The following GPCPD1 variants were observed in gnomAD, a reference collection of about 807,000 sequenced individuals.
GPCPD1 encodes the protein glycerophosphocholine phosphodiesterase GPCPD1.
Under a neutral mutation model 89.2 loss-of-function variants are expected in GPCPD1, and 29 were observed. That is an observed-to-expected ratio of 0.33 (90% CI 0.24 to 0.44). The LOEUF (loss-of-function observed/expected upper bound fraction) is 0.44, where lower values mean the gene tolerates loss of function less well. Ranked by LOEUF, GPCPD1 falls within the 20% of genes least tolerant of loss-of-function variation. The pLI, the probability that GPCPD1 is intolerant of heterozygous loss-of-function variation, is 1.00. For synonymous variants in GPCPD1, 258 were observed against 266.3 expected (o/e 0.97, Z 0.30); for missense variants, 594 against 808.9 (o/e 0.73, Z 3.22).
At chr20:5,555,581 G>A (rs1313891270) in intron 19 of GPCPD1, among the ~76,000 whole-genome samples, 2 of 152,054 alleles carry the variant, frequency 1.3e-5, no homozygotes, top group Non-Finnish European at 2.9e-5. Context: ...TTTTGGCAGG[G>A]CGCGGTGGCT....
chr20:5,565,865 A>T (rs913383540), intron 14 of GPCPD1, among the ~76,000 whole-genome samples: 9 of 152,232 alleles, frequency 5.9e-5, no homozygotes, highest in Admixed American at 4.6e-4. Context: ...TAGACTAAAA[A>T]AAAGAATTAT....
At chr20:5,586,157 T>C (rs909551729) in intron 5 of GPCPD1, 37 bp downstream of exon 5, 2 of 992,592 alleles carry the variant, frequency 2.0e-6, no homozygotes, top group Non-Finnish European at 1.6e-6. Flanking sequence ...AGTAACTTTA[T>C]GCATATGCCT....
At position 5,560,833 on chromosome 20, in the gene GPCPD1, C is replaced by T. The variant is rs117109199; in HGVS notation, c.1395+632G>A. Among the ~76,000 whole-genome samples the T allele has an allele frequency of 1.3e-3, 194 of 152,246 alleles. 1 individual carries two copies. In the East Asian group the frequency reaches 0.035, roughly 27 times the overall value. ...ACCCCACACTCTACTACCCCAAGCC[C>T]CTTGCAATGCATCCCATCAATCTGC... On this transcript the variant is annotated intron_variant, in intron 16 of 19. Coordinates refer to ENST00000379019, the MANE Select transcript of GPCPD1 (RefSeq NM_019593.5).
At chr20:5,608,324 A>G (rs1292543523) in intron 1 of GPCPD1, among the ~76,000 whole-genome samples, 1 of 152,158 alleles carries the variant, frequency 6.6e-6, no homozygotes. Context: ...AAACCTCTCC[A>G]AAAGTCAACA....
chr20:5,605,802 AACCCTAGG>A (rs1980545221), intron 1 of GPCPD1, among the ~76,000 whole-genome samples: 1 of 152,006 alleles, frequency 6.6e-6, no homozygotes. Flanking sequence ...TCTCTTTATT[AACCCTAGG>A]ACCATCATTA....
At position 5,570,142 on chromosome 20, in the gene GPCPD1, C is replaced by A; in HGVS notation, c.1149+5G>T. 1 of 1,395,638 alleles carries A rather than the reference C, an allele frequency of 7.2e-7. No homozygotes were observed. The highest frequency in any genetic ancestry group is 1.2e-5 in the South Asian group (1 of 81,958). The allele number at this position is 1,395,638 out of a possible 1,614,324, so 86.5% of individuals were successfully genotyped here. Reference sequence around the variant, plus strand: ...AGAGTTTGAAATGAAGAAATTTCAACGTACCTTTTTCATAGTCAAACAACA... The same window carrying A: ...AGAGTTTGAAATGAAGAAATTTCAAAGTACCTTTTTCATAGTCAAACAACA... On this transcript the variant is annotated splice_donor_5th_base_variant and intron_variant, in intron 12 of 19. Transcript: ENST00000379019.
chr20:5,577,362 C>G lies in GPCPD1; in HGVS notation c.705+1018G>C, dbSNP rs558448227. 1.2e-3 allele frequency among the ~76,000 whole-genome samples: 182 copies of G among 151,664 alleles called. 1 individual carries two copies. The highest frequency in any genetic ancestry group is 4.2e-3 in the African/African-American group (173 of 41,406). On this transcript the variant is annotated intron_variant, in intron 8 of 19. Transcript: ENST00000379019. ...AATTAGCTGGGTGTGGTGGTACACA[C>G]CTGTAGTCCCAGCTACTTGAGAGGC...
intron 18 of GPCPD1, 60 bp from the exon 19 acceptor site, chr20:5,558,165 TCA>T (rs1985883264): frequency 9.6e-7 from 1 of 1,041,352 alleles, no homozygotes; most frequent in East Asian, 2.4e-5. Flanking sequence ...AGCTAAATGC[TCA>T]CACTCTAAAT....
chr20:5,560,560 C>T (rs1986027477), intron 16 of GPCPD1, among the ~76,000 whole-genome samples: 1 of 152,154 alleles, frequency 6.6e-6, no homozygotes, highest in Non-Finnish European at 1.5e-5. Flanking sequence ...ATAGCCAAGA[C>T]ACCAAGCCAG....
At chr20:5,607,904 T>C (rs1980707563) in intron 1 of GPCPD1, among the ~76,000 whole-genome samples, 1 of 151,944 alleles carries the variant, frequency 6.6e-6, no homozygotes, top group South Asian at 2.1e-4. Flanking sequence ...TCAAAAGAGC[T>C]GAATGACCAC....
intron 2 of GPCPD1, among the ~76,000 whole-genome samples, chr20:5,603,159 G>A (rs1172931668): frequency 1.3e-5 from 2 of 151,928 alleles, no homozygotes; most frequent in Non-Finnish European, 2.9e-5. Flanking sequence ...CAGGCACGGT[G>A]ATGGACACCT....
At chr20:5,549,348 A>G in intron 19 of GPCPD1, 1 of 1,147,152 alleles carries the variant, frequency 8.7e-7, no homozygotes, top group Non-Finnish European at 1.3e-6. Flanking sequence ...GAAAACAGAG[A>G]AGCTGTTACA....
chr20:5,556,822 C>T (rs1257561546), intron 19 of GPCPD1, among the ~76,000 whole-genome samples: 2 of 152,214 alleles, frequency 1.3e-5, no homozygotes, highest in Admixed American at 6.5e-5. Flanking sequence ...ACAGCCTTGC[C>T]CTCCTCATGG....
chr20:5,574,124 C>T, intron 10 of GPCPD1, 155 bp from the exon 11 acceptor site: 1 of 604,220 alleles, frequency 1.7e-6, no homozygotes, highest in Non-Finnish European at 2.9e-6. Flanking sequence ...ATGGCTGTGA[C>T]TAGGAATTTA....
chr20:5,584,382 A>T, intron 5 of GPCPD1, 60 bp from the exon 6 acceptor site: 1 of 741,656 alleles, frequency 1.3e-6, no homozygotes, highest in Non-Finnish European at 2.4e-6. Flanking sequence ...CCAGTGAACA[A>T]CTGAGAAATT....
Position 5,545,578 on chromosome 20 carries a change from T to G in GPCPD1, c.*2083A>C, listed in dbSNP as rs911496086. 1 of 152,284 alleles carries G rather than the reference T, an allele frequency of 6.6e-6. No individual in the cohort carries two copies. The highest frequency in any genetic ancestry group is 1.5e-5 in the Non-Finnish European group (1 of 68,214). 9.4% of individuals were successfully genotyped at this position (152,284 alleles called of 1,614,324 possible). On this transcript the variant is annotated 3_prime_UTR_variant, in exon 20 of 20. Coordinates refer to ENST00000379019, the MANE Select transcript of GPCPD1 (RefSeq NM_019593.5). ...AGGACACACGGGCACAGAGAGGAAGTCCAGGGCCAATGACAGGGACAGGGT... is the reference window on the plus strand; with the variant it reads ...AGGACACACGGGCACAGAGAGGAAGGCCAGGGCCAATGACAGGGACAGGGT...
chr20:5,584,861 C>A (rs1188005331), intron 5 of GPCPD1: 1 of 152,592 alleles, frequency 6.6e-6, no homozygotes, highest in Non-Finnish European at 1.5e-5. Context: ...CTAGCACAAC[C>A]CCTTCTCCTA....
intron 2 of GPCPD1, among the ~76,000 whole-genome samples, chr20:5,601,332 C>T (rs1222125067): frequency 1.3e-5 from 2 of 150,828 alleles, no homozygotes; most frequent in Non-Finnish European, 2.9e-5. Context: ...TGCACTTCAA[C>T]CTGGGCAATA....
chr20:5,562,280 T>C (rs564343339), intron 15 of GPCPD1, among the ~76,000 whole-genome samples: 90 of 152,276 alleles, frequency 5.9e-4, no homozygotes, highest in African/African-American at 2.0e-3. Context: ...ACAGAGATTA[T>C]GTTATATTAT....
Sources: gnomAD v4.1 joint callset for allele counts (sites outside exome capture counted in the v4.1 genomes callset) on GRCh38, gnomAD v4.1.1 for gene constraint, MANE v1.5 for transcripts, NCBI Gene and HGNC (gene_info 2026-07-23, HGNC 2026-07-21) for gene names.